The following CR1L variants were observed in gnomAD, a reference collection of about 807,000 sequenced individuals.
The protein encoded by CR1L is complement component receptor 1-like protein.
A neutral mutation model predicts 62.3 loss-of-function variants in CR1L; 59 were observed. The observed-to-expected ratio is 0.95, with a 90% CI of 0.77 to 1.18. The LOEUF (loss-of-function observed/expected upper bound fraction) is 1.18, where lower values mean the gene tolerates loss of function less well. CR1L is among the 50% of genes most tolerant of loss of function. CR1L has a pLI of 0.00. For missense variants in CR1L, 700 were observed against 702.8 expected, an observed-to-expected ratio of 1.00 and a Z score of 0.04; for synonymous variants, 279 against 248.7, an observed-to-expected ratio of 1.12 and a Z score of -1.15.
chr1:207,703,614 C>A (rs1184587039), intron 9 of CR1L, among the ~76,000 whole-genome samples: 1 of 152,246 alleles, frequency 6.6e-6, no homozygotes, highest in Non-Finnish European at 1.5e-5. Flanking sequence ...CTGACAACAG[C>A]AGCCATTCTG....
At chr1:207,708,904 C>T (rs1322316812) in intron 10 of CR1L, 1 of 394,302 alleles carries the variant, frequency 2.5e-6, no homozygotes, top group Non-Finnish European at 5.0e-6. Context: ...CACTGCCCTA[C>T]AGTAGAGTAG....
At chr1:207,669,625 G>T (rs1172549066) in intron 1 of CR1L, 55 of 1,052,530 alleles carry the variant, frequency 5.2e-5, no homozygotes, top group Non-Finnish European at 7.3e-5. Context: ...GGGCCCCGCA[G>T]AGAACTCGCG....
chr1:207,669,614 AG>A (rs1205641647), intron 1 of CR1L: 8 of 1,139,760 alleles, frequency 7.0e-6, no homozygotes, highest in Non-Finnish European at 8.8e-6. Context: ...CGAGGCACCC[AG>A]GGCCCCGCAG....
intron 1 of CR1L, chr1:207,669,206 G>A (rs911755195): frequency 5.5e-6 from 2 of 366,960 alleles, no homozygotes; most frequent in Admixed American, 4.1e-5. Flanking sequence ...TGCTGCACCT[G>A]GGTCAGCAAG....
chr1:207,678,979 T>C (rs189189419), intron 3 of CR1L, among the ~76,000 whole-genome samples: 246 of 149,914 alleles, frequency 1.6e-3, no homozygotes, highest in Non-Finnish European at 2.8e-3. Context: ...TATCTGTGCA[T>C]GTCTGTGTCC....
At chr1:207,685,395 A>C (rs1663884833) in intron 4 of CR1L, among the ~76,000 whole-genome samples, 1 of 152,224 alleles carries the variant, frequency 6.6e-6, no homozygotes, top group East Asian at 1.9e-4. Flanking sequence ...GCAATAATTC[A>C]AGTCAGACTT....
intron 1 of CR1L, among the ~76,000 whole-genome samples, chr1:207,662,526 G>A (rs531286957): frequency 8.0e-4 from 122 of 152,196 alleles, no homozygotes; most frequent in African/African-American, 2.6e-3. Context: ...CTCTGCATTG[G>A]TTATTCTAGT....
chr1:207,687,845 ATGT>A (rs1315569760), intron 4 of CR1L, among the ~76,000 whole-genome samples: 2 of 152,194 alleles, frequency 1.3e-5, no homozygotes, highest in South Asian at 2.1e-4. Flanking sequence ...TGTAACACAA[ATGT>A]TGTCTTTCAG....
At chr1:207,682,032 A>G (rs1176103269) in intron 3 of CR1L, among the ~76,000 whole-genome samples, 3 of 152,086 alleles carry the variant, frequency 2.0e-5, no homozygotes, top group Non-Finnish European at 4.4e-5. Flanking sequence ...GCACTAGGAG[A>G]AATACCTAAT....
At chr1:207,711,898 C>CA (rs112058934) in intron 10 of CR1L, among the ~76,000 whole-genome samples, 6,134 of 115,600 alleles carry the variant, frequency 0.053, 139 homozygotes, top group African/African-American at 0.065. Context: ...GATATCACCT[C>CA]AAAAAAAAAA....
At chr1:207,654,697 C>T (rs563945664) in intron 1 of CR1L, among the ~76,000 whole-genome samples, 7 of 152,284 alleles carry the variant, frequency 4.6e-5, no homozygotes, top group African/African-American at 1.7e-4. Context: ...ATCTAATCTC[C>T]TAAACAACCC....
intron 1 of CR1L, 106 bp downstream of exon 1, chr1:207,645,436 G>A (rs1197257933): frequency 5.4e-6 from 7 of 1,290,630 alleles, no homozygotes; most frequent in Non-Finnish European, 7.8e-6. Flanking sequence ...GTGCCTGCTT[G>A]GGATAGAGAG....
intron 1 of CR1L, among the ~76,000 whole-genome samples, chr1:207,676,580 T>C (rs992708437): frequency 3.3e-5 from 5 of 152,318 alleles, no homozygotes; most frequent in Admixed American, 3.3e-4. Context: ...GTAAAAATTG[T>C]CTTCCACAAA....
At position 207,707,946 on chromosome 1, in the gene CR1L, T is replaced by C. The variant is rs186855663; in HGVS notation, c.1329-232T>C. ...TTTTGGTGCCAGGTACAGTCCACAA[T>C]GAAGTCAAGATATTAAGAAGTAAAG... On this transcript the variant is annotated intron_variant, in intron 9 of 11. Coordinates refer to ENST00000508064, the MANE Select transcript of CR1L (RefSeq NM_175710.2). Among the ~76,000 whole-genome samples the C allele has an allele frequency of 2.6e-5, 4 of 152,256 alleles. No homozygotes were observed. The East Asian group carries it at 7.7e-4, about 29-fold the overall frequency.
chr1:207,663,445 T>C (rs542577347), intron 1 of CR1L, among the ~76,000 whole-genome samples: 2 of 152,246 alleles, frequency 1.3e-5, no homozygotes, highest in Non-Finnish European at 2.9e-5. Context: ...CTCTGAGCCA[T>C]GTGCGGGATA....
chr1:207,682,033 A>G (rs1663808206), intron 3 of CR1L, among the ~76,000 whole-genome samples: 1 of 152,102 alleles, frequency 6.6e-6, no homozygotes, highest in Non-Finnish European at 1.5e-5. Flanking sequence ...CACTAGGAGA[A>G]ATACCTAATG....
chr1:207,694,256 T>A, intron 4 of CR1L, 97 bp from the exon 5 acceptor site: 1 of 1,468,752 alleles, frequency 6.8e-7, no homozygotes, highest in Non-Finnish European at 9.3e-7. Context: ...TAGCAAAGAA[T>A]AAAAGCAAAT....
At chr1:207,662,784 AC>A (rs1469020925) in intron 1 of CR1L, among the ~76,000 whole-genome samples, 1 of 151,876 alleles carries the variant, frequency 6.6e-6, no homozygotes, top group Admixed American at 6.6e-5. Flanking sequence ...AGTTTTATCT[AC>A]CTTTGGTCTT....
intron 1 of CR1L, among the ~76,000 whole-genome samples, chr1:207,648,208 C>CACACACACAG (rs1553240824): frequency 0.017 from 893 of 53,832 alleles, 7 homozygotes; most frequent in African/African-American, 0.055. Flanking sequence ...CACACACAGA[C>CACACACACAG]ACACACACAC....
Sources: allele counts gnomAD v4.1 joint callset (sites outside exome capture counted in the v4.1 genomes callset), GRCh38; gene constraint gnomAD v4.1.1; transcripts MANE v1.5; gene names NCBI Gene and HGNC (gene_info 2026-07-23, HGNC 2026-07-21).